Variants in FRY observed in about 807,000 individuals in gnomAD.
FRY encodes FRY microtubule binding protein, also known as protein furry homolog.
A neutral mutation model predicts 348.4 loss-of-function variants in FRY; 128 were observed. That is an observed-to-expected ratio of 0.37 (90% CI 0.32 to 0.43). FRY has a LOEUF of 0.43. Ranked by LOEUF, FRY falls within the 20% of genes least tolerant of loss-of-function variation. FRY has a pLI of 1.00. For synonymous variants in FRY, 1,370 were observed against 1,374.7 expected (o/e 1.00, Z 0.08); for missense variants, 2,736 against 3,695.2 (o/e 0.74, Z 6.73).
At chr13:32,283,152 AC>A (rs200525364) in intron 58 of FRY, among the ~76,000 whole-genome samples, 4 of 151,748 alleles carry the variant, frequency 2.6e-5, no homozygotes, top group Admixed American at 1.3e-4. Flanking sequence ...AAAAAAAAAA[AC>A]AAAACAACAA....
chr13:32,195,153 G>C (rs1883598674), intron 29 of FRY, among the ~76,000 whole-genome samples: 1 of 152,154 alleles, frequency 6.6e-6, no homozygotes, highest in African/African-American at 2.4e-5. Context: ...TATTTAGAGA[G>C]ACAAGTTTCT....
intron 55 of FRY, among the ~76,000 whole-genome samples, chr13:32,274,104 GA>G (rs1888360137): frequency 6.6e-6 from 1 of 152,160 alleles, no homozygotes; most frequent in Non-Finnish European, 1.5e-5. Context: ...GGTATTTCAG[GA>G]AGAAATGTCC....
intron 24 of FRY, 55 bp downstream of exon 24, chr13:32,183,089 T>G: frequency 9.4e-7 from 1 of 1,065,004 alleles, no homozygotes; most frequent in Non-Finnish European, 1.5e-6. Flanking sequence ...ATCATCTGAA[T>G]TTAAATCAAA....
intron 2 of FRY, among the ~76,000 whole-genome samples, chr13:32,079,637 T>C (rs1030359405): frequency 6.6e-6 from 1 of 152,186 alleles, no homozygotes; most frequent in Non-Finnish European, 1.5e-5. Flanking sequence ...CAGTTGCAGA[T>C]GCTTCTGCTA....
chr13:32,132,945 T>G (rs1269821537), intron 8 of FRY, among the ~76,000 whole-genome samples: 1 of 152,168 alleles, frequency 6.6e-6, no homozygotes, highest in Non-Finnish European at 1.5e-5. Context: ...CAAAAGGCCA[T>G]GTATTATATT....
intron 15 of FRY, 35 bp downstream of exon 15, chr13:32,155,697 T>C: frequency 6.6e-7 from 1 of 1,505,154 alleles, no homozygotes; most frequent in East Asian, 2.3e-5. Flanking sequence ...CTAAGCCTTA[T>C]TAAGCCCTTA....
At chr13:32,052,970 C>T (rs1593562412) in intron 1 of FRY, among the ~76,000 whole-genome samples, 1 of 152,100 alleles carries the variant, frequency 6.6e-6, no homozygotes, top group Non-Finnish European at 1.5e-5. Flanking sequence ...AAAAATTAGC[C>T]AGTGTGGTGG....
Position 32,149,734 on chromosome 13 carries a change from T to G in FRY, c.1393-14T>G. On this transcript the variant is annotated splice_polypyrimidine_tract_variant and intron_variant, in intron 13 of 60. Coordinates refer to ENST00000542859, the MANE Select transcript of FRY (RefSeq NM_023037.3). ...TTTTAACACTTTCATTTTGTGTTCTTGTTTTTACTACAGGAACGTTTAGAT... is the reference window on the plus strand; with the variant it reads ...TTTTAACACTTTCATTTTGTGTTCTGGTTTTTACTACAGGAACGTTTAGAT... The G allele has an allele frequency of 2.7e-6, 4 of 1,497,906 alleles. No individual in the cohort carries two copies. Among genetic ancestry groups the G allele is most frequent in the Non-Finnish European group, 2.8e-6 (3 of 1,074,436 alleles). The allele number at this position is 1,497,906 out of a possible 1,614,324, so 92.8% of individuals were successfully genotyped here.
chr13:32,224,167 A>G, intron 36 of FRY, 68 bp from the exon 37 acceptor site: 1 of 1,328,560 alleles, frequency 7.5e-7, no homozygotes, highest in Non-Finnish European at 1.1e-6. Flanking sequence ...TATTCTGAAA[A>G]CATCAAGTAG....
chr13:32,169,578 T>C (rs1262540066), intron 17 of FRY, among the ~76,000 whole-genome samples: 1 of 152,144 alleles, frequency 6.6e-6, no homozygotes, highest in African/African-American at 2.4e-5. Context: ...GAGTACACAC[T>C]CTGAATCCCT....
chr13:32,158,218 T>C (rs2138168837), intron 16 of FRY, among the ~76,000 whole-genome samples: 1 of 152,322 alleles, frequency 6.6e-6, no homozygotes, highest in Non-Finnish European at 1.5e-5. Context: ...AAAATATGTA[T>C]TTGGTAGAAT....
chr13:32,129,290 G>T (rs1879210661), intron 7 of FRY, among the ~76,000 whole-genome samples: 1 of 152,070 alleles, frequency 6.6e-6, no homozygotes, highest in Non-Finnish European at 1.5e-5. Context: ...ATCTCAGAAG[G>T]GTCAGGCTTC....
chr13:32,052,645 T>A (rs1196638313), intron 1 of FRY, among the ~76,000 whole-genome samples: 2 of 152,196 alleles, frequency 1.3e-5, no homozygotes, highest in Admixed American at 1.3e-4. Flanking sequence ...ATATTTAAAT[T>A]TGAATACCAA....
chr13:32,162,196 C>CAA (rs1332950215), intron 17 of FRY, among the ~76,000 whole-genome samples: 4 of 152,062 alleles, frequency 2.6e-5, no homozygotes, highest in Non-Finnish European at 1.5e-5. Flanking sequence ...AATAAGATGA[C>CAA]AAAAAATGTC....
intron 59 of FRY, 114 bp from the exon 60 acceptor site, chr13:32,294,254 C>G (rs964911360): frequency 4.1e-6 from 3 of 729,434 alleles, no homozygotes; most frequent in African/African-American, 3.5e-5. Flanking sequence ...CTGAATTTAC[C>G]AAGGTATTAA....
At chr13:32,128,336 T>G (rs544155780) in intron 7 of FRY, among the ~76,000 whole-genome samples, 1 of 152,144 alleles carries the variant, frequency 6.6e-6, no homozygotes, top group East Asian at 1.9e-4. Flanking sequence ...AAATAGTCAG[T>G]GTGAAATATA....
chr13:32,151,564 G>C (rs17077134), intron 14 of FRY, among the ~76,000 whole-genome samples: 1 of 152,214 alleles, frequency 6.6e-6, no homozygotes, highest in South Asian at 2.1e-4. Context: ...GAAGTAGCTT[G>C]TGGAACAAGG....
intron 41 of FRY, among the ~76,000 whole-genome samples, chr13:32,232,018 A>G (rs1885943805): frequency 6.6e-6 from 1 of 152,214 alleles, no homozygotes; most frequent in African/African-American, 2.4e-5. Context: ...ATATCTTTTC[A>G]TTATCAGAGG....
intron 58 of FRY, among the ~76,000 whole-genome samples, chr13:32,280,626 A>G (rs887796564): frequency 5.9e-5 from 9 of 152,234 alleles, no homozygotes. Context: ...CTCATAGTAT[A>G]GTTTGTATAG....
Sources: allele counts gnomAD v4.1 joint callset (sites outside exome capture counted in the v4.1 genomes callset), GRCh38; gene constraint gnomAD v4.1.1; transcripts MANE v1.5; gene names NCBI Gene and HGNC (gene_info 2026-07-23, HGNC 2026-07-21).